SGCZ: variants seen among roughly 807,000 people sequenced by gnomAD.
SGCZ encodes zeta-sarcoglycan.
A neutral mutation model predicts 41.3 loss-of-function variants in SGCZ; 40 were observed. The observed-to-expected ratio is 0.97, with a 90% CI of 0.75 to 1.26. The LOEUF is 1.26. Ranked by LOEUF, SGCZ falls within the 50% of genes most tolerant of loss-of-function variation. SGCZ has a pLI of 0.00. For synonymous variants in SGCZ, 206 were observed against 137.5 expected (o/e 1.50, Z -3.49); for missense variants, 552 against 369.8 (o/e 1.49, Z -4.04).
At chr8:14,906,268 G>C (rs1416804299) in intron 1 of SGCZ, among the ~76,000 whole-genome samples, 1 of 152,102 alleles carries the variant, frequency 6.6e-6, no homozygotes, top group African/African-American at 2.4e-5. Context: ...GATCATAATA[G>C]CTTTGTAGTC....
chr8:14,330,591 T>C (rs1374546495), intron 2 of SGCZ, among the ~76,000 whole-genome samples: 1 of 151,738 alleles, frequency 6.6e-6, no homozygotes, highest in Non-Finnish European at 1.5e-5. Context: ...GTTTAAATTT[T>C]AAATTTAAAT....
chr8:14,934,994 T>C (rs1800038482), intron 1 of SGCZ, among the ~76,000 whole-genome samples: 1 of 149,202 alleles, frequency 6.7e-6, no homozygotes, highest in East Asian at 2.0e-4. Context: ...AATAAACAGC[T>C]TTTAAAAAGG....
At chr8:14,303,821 G>T (rs145976278) in intron 3 of SGCZ, among the ~76,000 whole-genome samples, 5,235 of 151,894 alleles carry the variant, frequency 0.034, 290 homozygotes, top group African/African-American at 0.12. Flanking sequence ...GCGCGATCTC[G>T]GCTCACTGCA....
chr8:14,177,513 T>A (rs1804578580), intron 4 of SGCZ, among the ~76,000 whole-genome samples: 1 of 152,056 alleles, frequency 6.6e-6, no homozygotes, highest in Non-Finnish European at 1.5e-5. Flanking sequence ...TTTGTTTGTT[T>A]GTTTGTTTGT....
intron 1 of SGCZ, among the ~76,000 whole-genome samples, chr8:14,676,228 T>G (rs116776886): frequency 1.5e-3 from 228 of 152,258 alleles, no homozygotes; most frequent in African/African-American, 5.2e-3. Context: ...TGCCAGAACT[T>G]TTGGAGGCCA....
At chr8:14,737,823 T>C (rs967558747) in intron 1 of SGCZ, among the ~76,000 whole-genome samples, 9 of 152,138 alleles carry the variant, frequency 5.9e-5, no homozygotes, top group Admixed American at 3.3e-4. Flanking sequence ...GGTCACATAT[T>C]GAGGCACTAT....
intron 1 of SGCZ, among the ~76,000 whole-genome samples, chr8:14,702,570 A>G (rs1809171946): frequency 6.6e-6 from 1 of 151,856 alleles, no homozygotes; most frequent in Non-Finnish European, 1.5e-5. Context: ...TGGAAACAAA[A>G]TTATTGACCC....
intron 2 of SGCZ, among the ~76,000 whole-genome samples, chr8:14,375,411 A>T (rs1209738638): frequency 6.6e-6 from 1 of 152,204 alleles, no homozygotes; most frequent in Non-Finnish European, 1.5e-5. Context: ...AAATCCCATG[A>T]TCAAGAACAT....
rs546232524 is a variant in SGCZ at position 15,019,671 on chromosome 8, G to GT, written c.39+217913dup. Reference sequence around the variant, plus strand: ...GCATTCTCAGCTCACTCTGAGAGCAGTGCAGTCACAGGAATCTCACTGTGA... The same window carrying GT: ...GCATTCTCAGCTCACTCTGAGAGCAGTTGCAGTCACAGGAATCTCACTGTGA... On this transcript the variant is annotated intron_variant, in intron 1 of 7. Coordinates refer to ENST00000382080, the MANE Select transcript of SGCZ (RefSeq NM_139167.4). Among the ~76,000 whole-genome samples the GT allele has an allele frequency of 3.6e-4, 55 of 151,740 alleles. No homozygotes were observed. The South Asian group carries it at 6.7e-3, about 18-fold the overall frequency.
intron 4 of SGCZ, among the ~76,000 whole-genome samples, chr8:14,186,854 G>A (rs935388311): frequency 1.3e-5 from 2 of 152,214 alleles, no homozygotes; most frequent in African/African-American, 4.8e-5. Context: ...AGTTTAGTGA[G>A]AGAGCCAGGC....
intron 2 of SGCZ, among the ~76,000 whole-genome samples, chr8:14,457,116 T>C (rs1800768484): frequency 6.6e-6 from 1 of 152,242 alleles, no homozygotes; most frequent in Admixed American, 6.5e-5. Flanking sequence ...ACCTCTCAGA[T>C]ATGATTATAT....
chr8:15,077,124 T>C (rs1424159417), intron 1 of SGCZ, among the ~76,000 whole-genome samples: 1 of 152,224 alleles, frequency 6.6e-6, no homozygotes, highest in South Asian at 2.1e-4. Context: ...GGATTCTTTT[T>C]TTCATGAATA....
intron 2 of SGCZ, among the ~76,000 whole-genome samples, chr8:14,361,173 TCCA>T (rs1164435868): frequency 6.6e-6 from 1 of 152,164 alleles, no homozygotes; most frequent in Non-Finnish European, 1.5e-5. Context: ...CTTTACATAT[TCCA>T]TTTATTGGTC....
chr8:14,156,258 G>C (rs1021819149), intron 5 of SGCZ, among the ~76,000 whole-genome samples: 1 of 152,110 alleles, frequency 6.6e-6, no homozygotes, highest in African/African-American at 2.4e-5. Context: ...AGGAGATGGA[G>C]ACCATCCTGG....
At chr8:14,577,384 C>CTTTTT (rs57432939) in intron 1 of SGCZ, among the ~76,000 whole-genome samples, 2 of 111,886 alleles carry the variant, frequency 1.8e-5, no homozygotes, top group African/African-American at 3.6e-5. Context: ...AGAAATATAT[C>CTTTTT]TTTTTTTTTT....
intron 1 of SGCZ, among the ~76,000 whole-genome samples, chr8:14,877,611 T>C (rs1400715757): frequency 6.6e-6 from 1 of 152,168 alleles, no homozygotes; most frequent in Non-Finnish European, 1.5e-5. Context: ...ATTAAAGGCA[T>C]AAAAAATAAT....
At chr8:15,120,317 T>C (rs1807432518) in intron 1 of SGCZ, among the ~76,000 whole-genome samples, 1 of 152,242 alleles carries the variant, frequency 6.6e-6, no homozygotes, top group African/African-American at 2.4e-5. Flanking sequence ...ATAATTGATC[T>C]TTATTTCATA....
chr8:14,645,796 A>G (rs1398329914), intron 1 of SGCZ, among the ~76,000 whole-genome samples: 6 of 151,762 alleles, frequency 4.0e-5, no homozygotes, highest in South Asian at 2.1e-4. Context: ...ACACTCATTA[A>G]CAATGTAAGC....
At chr8:15,152,257 C>T (rs898597623) in intron 1 of SGCZ, among the ~76,000 whole-genome samples, 12 of 151,924 alleles carry the variant, frequency 7.9e-5, no homozygotes, top group African/African-American at 2.7e-4. Context: ...CAAAGCAAGG[C>T]AGGAATAGTT....
Sources: gnomAD v4.1 joint callset for allele counts (sites outside exome capture counted in the v4.1 genomes callset) on GRCh38, gnomAD v4.1.1 for gene constraint, MANE v1.5 for transcripts, NCBI Gene and HGNC (gene_info 2026-07-23, HGNC 2026-07-21) for gene names.